CADPS2: variants seen among roughly 807,000 people sequenced by gnomAD.
CADPS2 encodes calcium dependent secretion activator 2, also known as calcium-dependent secretion activator 2.
A neutral mutation model predicts 172.5 loss-of-function variants in CADPS2; 93 were observed. That is an observed-to-expected ratio of 0.54 (90% confidence interval 0.46 to 0.64). The LOEUF (loss-of-function observed/expected upper bound fraction) is 0.64. Ranked by LOEUF, CADPS2 falls within the 30% of genes least tolerant of loss-of-function variation. The probability of loss-of-function intolerance (pLI) is 0.00; values close to 1 mark genes in which losing one functional copy is unlikely to be tolerated. For synonymous variants in CADPS2, 546 were observed against 555.2 expected, an observed-to-expected ratio of 0.98 and a Z score of 0.23; for missense variants, 1,420 against 1,565.9, an observed-to-expected ratio of 0.91 and a Z score of 1.57.
chr7:122,837,535 G>A (rs1251069697), intron 1 of CADPS2, among the ~76,000 whole-genome samples: 1 of 151,966 alleles, frequency 6.6e-6, no homozygotes, highest in Non-Finnish European at 1.5e-5. Flanking sequence ...CCACTAGCAA[G>A]ACTAATAAAG....
chr7:122,744,238 G>A (rs2092623817), intron 1 of CADPS2, among the ~76,000 whole-genome samples: 1 of 152,140 alleles, frequency 6.6e-6, no homozygotes, highest in South Asian at 2.1e-4. Context: ...CATGAAGATG[G>A]TGAGGTGGCA....
intron 2 of CADPS2, among the ~76,000 whole-genome samples, chr7:122,691,607 G>A (rs375089203): frequency 6.6e-6 from 1 of 152,214 alleles, no homozygotes; most frequent in East Asian, 1.9e-4. Flanking sequence ...ACAAGATCAT[G>A]ACATATGATG....
chr7:122,408,889 C>T (rs970354669), intron 19 of CADPS2, among the ~76,000 whole-genome samples: 2 of 152,038 alleles, frequency 1.3e-5, no homozygotes, highest in African/African-American at 2.4e-5. Context: ...AAATAATAAT[C>T]AGTAACTAAA....
chr7:122,469,554 G>T (rs534457666), intron 14 of CADPS2, among the ~76,000 whole-genome samples: 1 of 152,192 alleles, frequency 6.6e-6, no homozygotes, highest in Non-Finnish European at 1.5e-5. Context: ...AGATAGTGGG[G>T]AAAAAACTAC....
intron 1 of CADPS2, among the ~76,000 whole-genome samples, chr7:122,785,770 A>G (rs948284845): frequency 6.6e-6 from 1 of 151,948 alleles, no homozygotes; most frequent in Non-Finnish European, 1.5e-5. Context: ...ACCCCTCTGG[A>G]GCTCTTTATC....
chr7:122,769,489 T>C (rs2093649866), intron 1 of CADPS2, among the ~76,000 whole-genome samples: 1 of 151,328 alleles, frequency 6.6e-6, no homozygotes, highest in Admixed American at 6.6e-5. Context: ...CTTCACCTCA[T>C]AACAGCAATG....
intron 20 of CADPS2, among the ~76,000 whole-genome samples, chr7:122,396,106 G>A (rs183955240): frequency 6.6e-6 from 1 of 152,158 alleles, no homozygotes; most frequent in Non-Finnish European, 1.5e-5. Context: ...TACTGCGCCT[G>A]GCTAGAACTA....
intron 1 of CADPS2, among the ~76,000 whole-genome samples, chr7:122,840,186 AC>A (rs1388179089): frequency 6.6e-6 from 1 of 152,132 alleles, no homozygotes; most frequent in African/African-American, 2.4e-5. Context: ...AGGACAGAAA[AC>A]CAAATACCGC....
intron 2 of CADPS2, among the ~76,000 whole-genome samples, chr7:122,671,548 G>A (rs1056454063): frequency 1.3e-5 from 2 of 151,974 alleles, no homozygotes; most frequent in Non-Finnish European, 2.9e-5. Flanking sequence ...CTGGGTGACA[G>A]AGTAAGACCA....
chr7:122,450,748 T>G (rs190565854), intron 15 of CADPS2, among the ~76,000 whole-genome samples: 1 of 152,044 alleles, frequency 6.6e-6, no homozygotes, highest in Non-Finnish European at 1.5e-5. Context: ...TTGCCCTGTC[T>G]GGTCTTGAAC....
intron 1 of CADPS2, among the ~76,000 whole-genome samples, chr7:122,804,900 T>C (rs1334420712): frequency 6.6e-6 from 1 of 152,202 alleles, no homozygotes; most frequent in Non-Finnish European, 1.5e-5. Flanking sequence ...CTTACTAAAA[T>C]TGTACATGAA....
chr7:122,647,275 CTCTACAAGGT>C (rs1050298869), intron 3 of CADPS2, among the ~76,000 whole-genome samples: 28 of 152,042 alleles, frequency 1.8e-4, no homozygotes, highest in African/African-American at 5.8e-4. Flanking sequence ...AATTCTCAAA[CTCTACAAGGT>C]AGTGAACCTA....
chr7:122,353,717 T>C (rs900371984), intron 27 of CADPS2, among the ~76,000 whole-genome samples: 3 of 152,218 alleles, frequency 2.0e-5, no homozygotes, highest in Admixed American at 6.5e-5. Flanking sequence ...TGTCATCTTG[T>C]CCTATTTCCC....
chr7:122,850,227 C>A, intron 1 of CADPS2: 1 of 1,051,484 alleles, frequency 9.5e-7, no homozygotes, highest in Non-Finnish European at 1.3e-6. Context: ...GTGACAGGGA[C>A]CCAGAGGCCC....
At chr7:122,822,453 C>T (rs929376802) in intron 1 of CADPS2, among the ~76,000 whole-genome samples, 4 of 151,986 alleles carry the variant, frequency 2.6e-5, no homozygotes, top group African/African-American at 9.7e-5. Context: ...AGAAACATCG[C>T]CCATTCTCTC....
chr7:122,328,632 A>G (rs1488803238), intron 28 of CADPS2: 1 of 152,188 alleles, frequency 6.6e-6, no homozygotes, highest in African/African-American at 2.4e-5. Context: ...TTTAGCAAAA[A>G]TATGTTTTTT....
At chr7:122,322,284 G>A (rs2032738363) in intron 29 of CADPS2, among the ~76,000 whole-genome samples, 2 of 152,222 alleles carry the variant, frequency 1.3e-5, no homozygotes, top group South Asian at 4.1e-4. Context: ...TTAATTACCA[G>A]TAAGTTGGCC....
At chr7:122,363,791 G>T (rs1302418447) in intron 25 of CADPS2, among the ~76,000 whole-genome samples, 1 of 152,118 alleles carries the variant, frequency 6.6e-6, no homozygotes, top group Non-Finnish European at 1.5e-5. Context: ...ATCACTATCT[G>T]TGTCTAAAAA....
In CADPS2 at chr7:122,472,037, C is replaced by A. The variant is rs191818598; in HGVS notation, c.1999-475G>T. Among the ~76,000 whole-genome samples, 90 of 152,266 alleles carry A rather than the reference C, an allele frequency of 5.9e-4. 1 individual carries two copies. The highest frequency in any genetic ancestry group is 2.1e-3 in the African/African-American group (88 of 41,562). Reference sequence around the variant, plus strand: ...GAACTTAAATATCTGGGATATTCTTCTCATTCTGTTTGTCTTCCTATGAAC... The same window carrying A: ...GAACTTAAATATCTGGGATATTCTTATCATTCTGTTTGTCTTCCTATGAAC... On this transcript the variant is annotated intron_variant, in intron 13 of 29. Transcript: ENST00000449022.
Sources: gnomAD v4.1 joint callset for allele counts (sites outside exome capture counted in the v4.1 genomes callset) on GRCh38, gnomAD v4.1.1 for gene constraint, MANE v1.5 for transcripts, NCBI Gene and HGNC (gene_info 2026-07-23, HGNC 2026-07-21) for gene names.